TIMP2: variants seen among roughly 807,000 people sequenced by gnomAD.
TIMP2 encodes TIMP metallopeptidase inhibitor 2, also known as metalloproteinase inhibitor 2.
Under a neutral mutation model 24.3 loss-of-function variants are expected in TIMP2, and 5 were observed. That is an observed-to-expected ratio of 0.21 (90% CI 0.11 to 0.43). TIMP2 has a LOEUF of 0.43. Among genes scored for constraint, TIMP2 ranks in the 20% least tolerant of loss-of-function variants. TIMP2 has a pLI of 1.00. For synonymous variants in TIMP2, 130 were observed against 123.2 expected (o/e 1.06, Z -0.37); for missense variants, 221 against 297.5 (o/e 0.74, Z 1.89).
At chr17:78,871,833 G>C (rs1370866666) in intron 2 of TIMP2, among the ~76,000 whole-genome samples, 1 of 143,178 alleles carries the variant, frequency 7.0e-6, no homozygotes, top group African/African-American at 2.7e-5. Context: ...GAGACAGCAA[G>C]ACTCCATCTC....
rs555177758 is a variant in TIMP2 at position 78,919,163 on chromosome 17, T to G, written c.130+5796A>C. On this transcript the variant is annotated intron_variant, in intron 1 of 4. Coordinates refer to ENST00000262768, the MANE Select transcript of TIMP2 (RefSeq NM_003255.5). Reference sequence around the variant, plus strand: ...ACTCCAGTGCCACCCCCAGGCCCGCTCCAGCACGCGGAGTTAGGCGGCTGC... The same window carrying G: ...ACTCCAGTGCCACCCCCAGGCCCGCGCCAGCACGCGGAGTTAGGCGGCTGC... Among the ~76,000 whole-genome samples, 4 of 152,318 alleles carry G rather than the reference T, an allele frequency of 2.6e-5. No homozygotes were observed. In the South Asian group the frequency reaches 8.3e-4, roughly 32 times the overall value.
chr17:78,878,572 C>T (rs946068819), intron 1 of TIMP2, among the ~76,000 whole-genome samples: 3 of 152,232 alleles, frequency 2.0e-5, no homozygotes, highest in Non-Finnish European at 4.4e-5. Context: ...TCCCAGCGTG[C>T]TAGCTTTGCC....
At position 78,907,031 on chromosome 17, in the gene TIMP2, C is replaced by T. The variant is rs150508194; in HGVS notation, c.130+17928G>A. ...ACGCCTTCCTCACTAAGCTTAATCACTCCTAGCTTTTGATTTAAAGTAAGA... is the reference window on the plus strand; with the variant it reads ...ACGCCTTCCTCACTAAGCTTAATCATTCCTAGCTTTTGATTTAAAGTAAGA... On this transcript the variant is annotated intron_variant, in intron 1 of 4. Coordinates refer to ENST00000262768, the MANE Select transcript of TIMP2 (RefSeq NM_003255.5). Among the ~76,000 whole-genome samples the T allele has an allele frequency of 1.6e-3, 243 of 152,086 alleles. 2 individuals carry two copies. The highest frequency in any genetic ancestry group is 5.3e-3 in the African/African-American group (221 of 41,520).
chr17:78,915,530 T>C (rs937899383), intron 1 of TIMP2, among the ~76,000 whole-genome samples: 12 of 151,944 alleles, frequency 7.9e-5, no homozygotes, highest in Non-Finnish European at 1.8e-4. Context: ...TTTCTTCTTT[T>C]TTTTTTTGAG....
intron 1 of TIMP2, among the ~76,000 whole-genome samples, chr17:78,907,496 G>A (rs929343430): frequency 9.2e-5 from 14 of 152,164 alleles, no homozygotes; most frequent in Non-Finnish European, 2.1e-4. Flanking sequence ...CATCTCATGT[G>A]GGCACAGTTC....
Position 78,854,925 on chromosome 17 carries a change from G to GGT in TIMP2, c.*741_*742insAC, listed in dbSNP as rs2069512126. On this transcript the variant is annotated 3_prime_UTR_variant, in exon 5 of 5. Coordinates refer to ENST00000262768, the MANE Select transcript of TIMP2 (RefSeq NM_003255.5). ...GCAAGCTGGGGAGCATGTGGGCGGG[G>GGT]GGGGGGGGGTGGGGGGGTGGGTGCA... The GGT allele has an allele frequency of 1.7e-5, 2 of 120,242 alleles. No individual in the cohort carries two copies. Among genetic ancestry groups the GGT allele is most frequent in the African/African-American group, 6.8e-5 (2 of 29,616 alleles). 7.4% of individuals were successfully genotyped at this position (120,242 alleles called of 1,614,324 possible).
chr17:78,883,626 C>T (rs1274056233), intron 1 of TIMP2, among the ~76,000 whole-genome samples: 1 of 152,152 alleles, frequency 6.6e-6, no homozygotes, highest in African/African-American at 2.4e-5. Context: ...AGGGAATGCT[C>T]CCTCCCCGGC....
chr17:78,880,674 T>A (rs1448917279), intron 1 of TIMP2, among the ~76,000 whole-genome samples: 1 of 152,244 alleles, frequency 6.6e-6, no homozygotes, highest in Non-Finnish European at 1.5e-5. Context: ...ACCTCGGTCC[T>A]GGGTGAAAGA....
In TIMP2 at chr17:78,892,210, A is replaced by C. The variant is rs1399645871; in HGVS notation, c.131-18291T>G. 1.9e-6 allele frequency: 3 copies of C among 1,550,906 alleles called. No individual in the cohort carries two copies. In the African/African-American group the frequency reaches 4.1e-5, roughly 21 times the overall value. On this transcript the variant is annotated intron_variant, in intron 1 of 4. Coordinates refer to ENST00000262768, the MANE Select transcript of TIMP2 (RefSeq NM_003255.5). Reference sequence around the variant, plus strand: ...GCTGGTAGTTTTTCCACAGCTTGGCATCCGCTCTTCTCTGCAGAGCGAGAT... The same window carrying C: ...GCTGGTAGTTTTTCCACAGCTTGGCCTCCGCTCTTCTCTGCAGAGCGAGAT...
chr17:78,923,588 A>G (rs1337773094), intron 1 of TIMP2, among the ~76,000 whole-genome samples: 3 of 152,160 alleles, frequency 2.0e-5, no homozygotes, highest in Non-Finnish European at 4.4e-5. Flanking sequence ...TGGCTCCCTC[A>G]TCAAAGGAAC....
In TIMP2 at chr17:78,915,747, C is replaced by T. The variant is rs374390009; in HGVS notation, c.130+9212G>A. On this transcript the variant is annotated intron_variant, in intron 1 of 4. Coordinates refer to ENST00000262768, the MANE Select transcript of TIMP2 (RefSeq NM_003255.5). ...GTTGGCAAGGCTGGTCTTGAACTCCCGACCTCAGGCGATCCACATGCCTCG... is the reference window on the plus strand; with the variant it reads ...GTTGGCAAGGCTGGTCTTGAACTCCTGACCTCAGGCGATCCACATGCCTCG... 1.6e-4 allele frequency among the ~76,000 whole-genome samples: 25 copies of T among 151,972 alleles called. 2 individuals are homozygous for T. Among genetic ancestry groups the T allele is most frequent in the African/African-American group, 2.2e-4 (9 of 41,446 alleles).
At chr17:78,892,660 G>A in intron 1 of TIMP2, 1 of 738,264 alleles carries the variant, frequency 1.4e-6, no homozygotes, top group Non-Finnish European at 2.1e-6. Flanking sequence ...AGAGCCTGTA[G>A]GGCAGCTGTT....
At chr17:78,912,330 GCCTGCC>G (rs1317069118) in intron 1 of TIMP2, among the ~76,000 whole-genome samples, 1 of 152,200 alleles carries the variant, frequency 6.6e-6, no homozygotes, top group African/African-American at 2.4e-5. Context: ...CCTTGGCAAA[GCCTGCC>G]CCACTGCCAG....
chr17:78,918,835 C>T (rs1324449170), intron 1 of TIMP2, among the ~76,000 whole-genome samples: 1 of 151,984 alleles, frequency 6.6e-6, no homozygotes, highest in Non-Finnish European at 1.5e-5. Context: ...CCCATCTCTA[C>T]AAAAAATTAA....
rs368947971 is a variant in TIMP2 at position 78,870,936 on chromosome 17, G to A, written c.302C>T (p.Ser101Leu). ...TAPSSAVCGV[S>L]LDVGGKKEYL... ...TTCCTTCTTTCCTCCAACGTCCAGC[G>A]AGACCCCACACACTGCCGAGGAGGG... Residue 101 changes from serine (S) to leucine (L), a missense_variant, in exon 3 of 5, where the codon TCG (serine) becomes TTG (leucine). Physicochemically the swap from Ser to Leu is moderately radical, Grantham distance 145 (BLOSUM62 -2). Transcript: ENST00000262768. 3.7e-5 allele frequency: 60 copies of A among 1,613,748 alleles called. No homozygotes were observed. Among genetic ancestry groups the A allele is most frequent in the African/African-American group, 4.0e-5 (3 of 75,016 alleles).
Position 78,861,963 on chromosome 17 carries a change from G to C in TIMP2, c.341-4317C>G, listed in dbSNP as rs148660091. Among the ~76,000 whole-genome samples the C allele has an allele frequency of 6.3e-3, 964 of 152,284 alleles. 14 individuals carry two copies. The highest frequency in any genetic ancestry group is 0.022 in the African/African-American group (906 of 41,542). ...CCGCCTCTGGTCTGATTAAGACTTG[G>C]TTGGGTGTACACACCGTGAGCATCT... is the stretch of plus-strand genomic sequence containing the variant. On this transcript the variant is annotated intron_variant, in intron 3 of 4. Coordinates refer to ENST00000262768, the MANE Select transcript of TIMP2 (RefSeq NM_003255.5).
chr17:78,860,993 G>T (rs960585452), intron 3 of TIMP2, among the ~76,000 whole-genome samples: 1 of 147,430 alleles, frequency 6.8e-6, no homozygotes, highest in Admixed American at 6.9e-5. Context: ...CCAAGATCGC[G>T]CCATTGCACT....
At chr17:78,864,858 C>T (rs893919246) in intron 3 of TIMP2, among the ~76,000 whole-genome samples, 1 of 151,976 alleles carries the variant, frequency 6.6e-6, no homozygotes, top group South Asian at 2.1e-4. Flanking sequence ...TCAAGACCAG[C>T]CTGACCAACA....
At chr17:78,878,318 CAG>C (rs1253669289) in intron 1 of TIMP2, among the ~76,000 whole-genome samples, 1 of 152,200 alleles carries the variant, frequency 6.6e-6, no homozygotes, top group African/African-American at 2.4e-5. Flanking sequence ...ACACCTAAGA[CAG>C]AGACGATGAC....
Sources: allele counts gnomAD v4.1 joint callset (sites outside exome capture counted in the v4.1 genomes callset), GRCh38; gene constraint gnomAD v4.1.1; transcripts MANE v1.5; gene names NCBI Gene and HGNC (gene_info 2026-07-23, HGNC 2026-07-21).